The following ACTR2 variants were observed in gnomAD, a reference collection of about 807,000 sequenced individuals.
ACTR2 encodes actin-related protein 2.
ACTR2 carries 5 observed loss-of-function variants against 50.2 expected under a neutral mutation model. The observed-to-expected ratio is 0.10, with a 90% CI of 0.05 to 0.21. ACTR2 has a LOEUF of 0.21. Ranked by LOEUF, ACTR2 falls within the 10% of genes least tolerant of loss-of-function variation. The probability of loss-of-function intolerance (pLI) is 1.00; values close to 1 mark genes in which losing one functional copy is unlikely to be tolerated. For missense variants in ACTR2, 180 were observed against 480.6 expected (o/e 0.37, Z 5.85); for synonymous variants, 140 against 162.9 (o/e 0.86, Z 1.07).
intron 4 of ACTR2, 139 bp downstream of exon 4, chr2:65,251,238 T>C (rs934476940): frequency 1.4e-5 from 6 of 433,370 alleles, no homozygotes; most frequent in African/African-American, 1.0e-4. Flanking sequence ...TGAAATATTT[T>C]CAGTTTTTAA....
At chr2:65,258,484 G>T (rs1019877347) in intron 6 of ACTR2, among the ~76,000 whole-genome samples, 3 of 152,016 alleles carry the variant, frequency 2.0e-5, no homozygotes, top group African/African-American at 4.8e-5. Flanking sequence ...AGGTTGAGGT[G>T]GGAAGATTGC....
intron 1 of ACTR2, among the ~76,000 whole-genome samples, chr2:65,237,208 C>A (rs1671755819): frequency 6.6e-6 from 1 of 152,088 alleles, no homozygotes; most frequent in African/African-American, 2.4e-5. Flanking sequence ...CTCCTCCCAC[C>A]CTGAAATTTT....
Position 65,261,155 on chromosome 2 carries a change from G to C in ACTR2, c.736-92G>C. 3.0e-6 allele frequency: 4 copies of C among 1,319,884 alleles called. 1 individual carries two copies. The South Asian group carries it at 4.0e-5, about 13-fold the overall frequency. 81.8% of individuals were successfully genotyped at this position (1,319,884 alleles called of 1,614,324 possible). On this transcript the variant is annotated intron_variant, in intron 6 of 8. Transcript: ENST00000260641. ...GTTGTTGGTAATGATTTTGGTTACA[G>C]AACAGATGTATTTATAAGTACTAGT... is the stretch of plus-strand genomic sequence containing the variant.
intron 2 of ACTR2, among the ~76,000 whole-genome samples, chr2:65,244,546 AAAGT>A (rs1488292333): frequency 6.6e-6 from 1 of 152,214 alleles, no homozygotes; most frequent in Non-Finnish European, 1.5e-5. Flanking sequence ...GATGGATTTC[AAAGT>A]AAGTTGCAGA....
At chr2:65,242,019 C>T in intron 2 of ACTR2, 1 of 1,607,612 alleles carries the variant, frequency 6.2e-7, no homozygotes, top group Non-Finnish European at 8.5e-7. Flanking sequence ...TACCTTCTCT[C>T]TCTTCACCTT....
intron 3 of ACTR2, among the ~76,000 whole-genome samples, chr2:65,250,379 A>G (rs953496405): frequency 6.7e-6 from 1 of 149,850 alleles, no homozygotes; most frequent in African/African-American, 2.5e-5. Context: ...AAGAAAAAAA[A>G]AAGATATTTC....
chr2:65,265,831 C>A (rs565455067), intron 8 of ACTR2, among the ~76,000 whole-genome samples: 4 of 152,262 alleles, frequency 2.6e-5, no homozygotes, highest in Non-Finnish European at 1.5e-5. Flanking sequence ...GTTATCTAAT[C>A]CTGAGTTAAT....
At position 65,270,957 on chromosome 2, in the gene ACTR2, T is replaced by A. The variant is rs2104031888; in HGVS notation, c.*2223T>A. 6.6e-6 allele frequency: 1 copy of A among 152,264 alleles called. No homozygotes were observed. The highest frequency in any genetic ancestry group is 2.4e-5 in the African/African-American group (1 of 41,572). 9.4% of individuals were successfully genotyped at this position (152,264 alleles called of 1,614,324 possible). ...TCTGATTCTTAGCTCTTGAAACTAT[T>A]GCTACTTAAATTTCCAATAATTAAA... On this transcript the variant is annotated 3_prime_UTR_variant, in exon 9 of 9. Coordinates refer to ENST00000260641, the MANE Select transcript of ACTR2 (RefSeq NM_005722.4).
intron 2 of ACTR2, among the ~76,000 whole-genome samples, chr2:65,240,323 G>A (rs1190566913): frequency 6.6e-6 from 1 of 152,086 alleles, no homozygotes; most frequent in East Asian, 1.9e-4. Context: ...ATTTGTCATT[G>A]TATGTGAGTG....
In ACTR2 at chr2:65,237,373, A is replaced by G. The variant is rs148111635; in HGVS notation, c.49-2479A>G. On this transcript the variant is annotated intron_variant, in intron 1 of 8. Transcript: ENST00000260641. ...CTCAGTCTCTGGAATAGCTGGGACT[A>G]TAGCACATGCCACAATGCCTGGCCA... is the stretch of plus-strand genomic sequence containing the variant. 9.2e-5 allele frequency among the ~76,000 whole-genome samples: 14 copies of G among 152,276 alleles called. No homozygotes were observed. In the East Asian group the frequency reaches 2.1e-3, roughly 23 times the overall value.
At chr2:65,259,795 G>A (rs1208276136) in intron 6 of ACTR2, among the ~76,000 whole-genome samples, 1 of 152,146 alleles carries the variant, frequency 6.6e-6, no homozygotes, top group Non-Finnish European at 1.5e-5. Context: ...GGTATCTCAT[G>A]GAAATGTGTC....
At chr2:65,261,930 C>G (rs542744762) in intron 7 of ACTR2, among the ~76,000 whole-genome samples, 1 of 152,210 alleles carries the variant, frequency 6.6e-6, no homozygotes, top group Non-Finnish European at 1.5e-5. Flanking sequence ...AATAGCCATT[C>G]CAACAGATGT....
chr2:65,230,403 ATTTTTTTTTTTTTTTT>A (rs11299935), intron 1 of ACTR2, among the ~76,000 whole-genome samples: 3 of 78,182 alleles, frequency 3.8e-5, no homozygotes, highest in South Asian at 4.2e-4. Context: ...ACCGAAGCTG[ATTTTTTTTTTTTTTTT>A]TTTTTTTTTG....
chr2:65,259,834 T>G (rs1379051636), intron 6 of ACTR2, among the ~76,000 whole-genome samples: 1 of 152,228 alleles, frequency 6.6e-6, no homozygotes, highest in Non-Finnish European at 1.5e-5. Context: ...GCGTGCTTAT[T>G]ACTTAGGACA....
rs192993777 is a variant in ACTR2 at position 65,228,263 on chromosome 2, T to C, written c.48+306T>C. ...CTGCTCCGCGCTAATGCGGGGGCAA[T>C]TGGGCTAAAGCGGACGGAAGCGTAA... On this transcript the variant is annotated intron_variant, in intron 1 of 8. Coordinates refer to ENST00000260641, the MANE Select transcript of ACTR2 (RefSeq NM_005722.4). 1.3e-4 allele frequency: 44 copies of C among 332,728 alleles called. No individual in the cohort carries two copies. In the East Asian group the frequency reaches 2.1e-3, roughly 16 times the overall value. The allele number at this position is 332,728 out of a possible 1,614,324, so 20.6% of individuals were successfully genotyped here.
rs61563176 is a variant in ACTR2, at chr2:65,240,083, A to G, written c.159+121A>G. 3.2e-3 allele frequency: 2,018 copies of G among 628,426 alleles called. 45 individuals are homozygous for G. The African/African-American group carries it at 0.032, about 10-fold the overall frequency. The allele number at this position is 628,426 out of a possible 1,614,324, so 38.9% of individuals were successfully genotyped here. On this transcript the variant is annotated intron_variant, in intron 2 of 8. Coordinates refer to ENST00000260641, the MANE Select transcript of ACTR2 (RefSeq NM_005722.4). ...TGCCATGAAAAGCAAAGGGGAGGGT[A>G]GAAGTTCTCATATTTTTAATTTATA...
intron 1 of ACTR2, among the ~76,000 whole-genome samples, chr2:65,229,750 CAAAAAAAAAA>C (rs57953942): frequency 1.8e-5 from 1 of 54,054 alleles, no homozygotes; most frequent in African/African-American, 5.8e-5. Context: ...GACTCCGTCT[CAAAAAAAAAA>C]AAAAAAAAAA....
intron 2 of ACTR2, among the ~76,000 whole-genome samples, chr2:65,243,630 A>G (rs761705480): frequency 4.7e-4 from 72 of 152,178 alleles, no homozygotes; most frequent in Non-Finnish European, 8.1e-4. Context: ...CCCTGCCTCT[A>G]TTAGTTAATT....
chr2:65,234,755 C>T lies in ACTR2; in HGVS notation c.49-5097C>T, dbSNP rs77257666. On this transcript the variant is annotated intron_variant, in intron 1 of 8. Transcript: ENST00000260641. ...ACCTCCAGCTTCTCTTACGATTTCT[C>T]ACTTAGTAAACTTATTTATTTGCAT... Among the ~76,000 whole-genome samples, 1,220 of 152,316 alleles carry T rather than the reference C, an allele frequency of 8.0e-3. 19 individuals are homozygous for T. The highest frequency in any genetic ancestry group is 0.024 in the African/African-American group (998 of 41,558).
Sources: allele counts gnomAD v4.1 joint callset (sites outside exome capture counted in the v4.1 genomes callset), GRCh38; gene constraint gnomAD v4.1.1; transcripts MANE v1.5; gene names NCBI Gene and HGNC (gene_info 2026-07-23, HGNC 2026-07-21).